PCDHGB1: variants seen among roughly 807,000 people sequenced by gnomAD.
PCDHGB1 encodes protocadherin gamma subfamily B, 1.
A neutral mutation model predicts 56.6 loss-of-function variants in PCDHGB1; 34 were observed. The ratio of observed to expected loss-of-function variants is 0.60; its 90% CI spans 0.46 to 0.80. The LOEUF (loss-of-function observed/expected upper bound fraction) is 0.80. PCDHGB1 is among the 30% of genes least tolerant of loss of function. The probability of loss-of-function intolerance (pLI) is 0.00; values close to 1 mark genes in which losing one functional copy is unlikely to be tolerated. For missense variants in PCDHGB1, 1,278 were observed against 1,204.6 expected, an observed-to-expected ratio of 1.06 and a Z score of -0.90; for synonymous variants, 561 against 505.9, an observed-to-expected ratio of 1.11 and a Z score of -1.46.
rs1287277950 is a variant in PCDHGB1 at position 141,384,488 on chromosome 5, T to C, written c.2409+31819T>C. The C allele has an allele frequency of 2.5e-6, 4 of 1,614,104 alleles. No individual in the cohort carries two copies. In the East Asian group the frequency reaches 8.9e-5, roughly 36 times the overall value. The stretch of plus-strand genomic sequence containing the variant: ...TATGAGCAGTTGAGAGAACTACAAC[T>C]AAGAGTGACTGCACATGACAGCGGG... On this transcript the variant is annotated intron_variant, in intron 1 of 3. Transcript: ENST00000523390.
At chr5:141,369,999 A>C (rs995138311) in intron 1 of PCDHGB1, among the ~76,000 whole-genome samples, 3 of 152,262 alleles carry the variant, frequency 2.0e-5, no homozygotes, top group African/African-American at 7.2e-5. Flanking sequence ...TAAAGCTCAA[A>C]TTAAAAGAAA....
rs758782567 is a variant in PCDHGB1, at chr5:141,486,792, G to A, written c.2410-8015G>A. ...CAGTTTGAGGTGCAGGCCCGGGATCGGGGCAACCCACCCCTTAGCAGCACT... is the reference window on the plus strand; with the variant it reads ...CAGTTTGAGGTGCAGGCCCGGGATCAGGGCAACCCACCCCTTAGCAGCACT... On this transcript the variant is annotated intron_variant, in intron 1 of 3. Coordinates refer to ENST00000523390, the MANE Select transcript of PCDHGB1 (RefSeq NM_018922.3). This position sits in a 1 kb window ranked among gnomAD's most constrained non-coding sequence, Gnocchi z 5.0. The A allele has an allele frequency of 3.7e-5, 59 of 1,614,094 alleles. No homozygotes were observed. The Middle Eastern group carries it at 4.9e-4, about 13-fold the overall frequency.
intron 1 of PCDHGB1, among the ~76,000 whole-genome samples, chr5:141,463,809 T>G (rs964935762): frequency 1.3e-5 from 2 of 152,216 alleles, no homozygotes; most frequent in African/African-American, 4.8e-5. Context: ...TAAAAGCTTT[T>G]ATCACACATT....
chr5:141,364,176 C>G, intron 1 of PCDHGB1: 1 of 835,076 alleles, frequency 1.2e-6, no homozygotes, highest in Non-Finnish European at 1.7e-6. Flanking sequence ...CGACTCTGCT[C>G]CCTCCATACT....
At chr5:141,366,297 C>G in intron 1 of PCDHGB1, 1 of 1,613,766 alleles carries the variant, frequency 6.2e-7, no homozygotes. Flanking sequence ...CCTCTGTCAG[C>G]CACCTTCACG....
rs1385557537 is a variant in PCDHGB1 at position 141,415,739 on chromosome 5, GGTT to G, written c.2409+63071_2409+63073del. 2.0e-4 allele frequency: 88 copies of G among 435,112 alleles called. 2 individuals are homozygous for G. In the African/African-American group the frequency reaches 2.4e-3, roughly 12 times the overall value. 27.0% of individuals were successfully genotyped at this position (435,112 alleles called of 1,614,324 possible). A position where few individuals can be genotyped will look rare whatever the true frequency, so the allele number is the denominator to read the frequency against. On this transcript the variant is annotated intron_variant, in intron 1 of 3. Coordinates refer to ENST00000523390, the MANE Select transcript of PCDHGB1 (RefSeq NM_018922.3). ...ATGAGTAGAATTTGATGTTTATTAA[GGTT>G]TTTTTTTTTTTTTTTTTTTTTTTTT...
chr5:141,356,695 G>T, intron 1 of PCDHGB1: 2 of 1,614,004 alleles, frequency 1.2e-6, no homozygotes, highest in Non-Finnish European at 1.7e-6. Context: ...CTTCCAGGGT[G>T]CACCTCTGTC....
rs1254227812 is a variant in PCDHGB1, at chr5:141,357,331, C to T, written c.2409+4662C>T. Reference sequence around the variant, plus strand: ...CGTCTTCCTGGCTTTTGTCACGGTGCTGCTAGCACTCAAGCTGAGACGCTG... The same window carrying T: ...CGTCTTCCTGGCTTTTGTCACGGTGTTGCTAGCACTCAAGCTGAGACGCTG... On this transcript the variant is annotated intron_variant, in intron 1 of 3. Coordinates refer to ENST00000523390, the MANE Select transcript of PCDHGB1 (RefSeq NM_018922.3). 2.5e-6 allele frequency: 4 copies of T among 1,614,098 alleles called. No homozygotes were observed. The Admixed American group carries it at 5.0e-5, about 20-fold the overall frequency.
At chr5:141,468,560 T>G (rs571224791) in intron 1 of PCDHGB1, 1 of 152,004 alleles carries the variant, frequency 6.6e-6, no homozygotes, top group Non-Finnish European at 1.5e-5. Flanking sequence ...ATTTGTGATA[T>G]AGTAAACAAT....
intron 1 of PCDHGB1, chr5:141,394,374 G>A: frequency 1.2e-6 from 2 of 1,614,172 alleles, no homozygotes; most frequent in South Asian, 1.1e-5. Flanking sequence ...GCAATCTTTC[G>A]ACTATGAGCA....
chr5:141,420,321 C>G (rs763682825), intron 1 of PCDHGB1: 2 of 1,410,974 alleles, frequency 1.4e-6, no homozygotes, highest in Non-Finnish European at 1.9e-6. Flanking sequence ...TACAATATGC[C>G]AATATATTCC....
chr5:141,394,532 T>G (rs1259695027), intron 1 of PCDHGB1: 7 of 1,614,188 alleles, frequency 4.3e-6, no homozygotes, highest in East Asian at 4.5e-5. Flanking sequence ...ACGGTTCCAC[T>G]GGCGTGGAGC....
intron 1 of PCDHGB1, chr5:141,376,063 C>T (rs1392618102): frequency 1.9e-6 from 3 of 1,613,444 alleles, no homozygotes; most frequent in Non-Finnish European, 2.5e-6. Context: ...CTGTCACGCT[C>T]ACCGTGGCCG....
chr5:141,357,576 G>C (rs781394563), intron 1 of PCDHGB1: 2 of 1,614,174 alleles, frequency 1.2e-6, no homozygotes, highest in South Asian at 1.1e-5. Context: ...AGCCTCTTCT[G>C]ATAACTCAGG....
chr5:141,413,042 G>T, intron 1 of PCDHGB1: 1 of 857,566 alleles, frequency 1.2e-6, no homozygotes, highest in Non-Finnish European at 1.7e-6. Context: ...CTGCTGGGCT[G>T]CAGGGAAGCT....
At chr5:141,455,128 T>C (rs2098813900) in intron 1 of PCDHGB1, among the ~76,000 whole-genome samples, 2 of 151,962 alleles carry the variant, frequency 1.3e-5, no homozygotes, top group Admixed American at 6.6e-5. Context: ...ATGTTTTAAA[T>C]TACACTGTGT....
chr5:141,478,336 C>T, intron 1 of PCDHGB1: 2 of 1,613,950 alleles, frequency 1.2e-6, no homozygotes, highest in South Asian at 2.2e-5. Context: ...CACCAGGGCC[C>T]TCCTTGCACG....
Position 141,350,539 on chromosome 5 carries a change from C to T in PCDHGB1, c.279C>T (p.Cys93=). Residue 93 remains cysteine (C), a synonymous_variant, in exon 1 of 4, where the codon TGC becomes TGT. Transcript: ENST00000523390. Reference sequence around the variant, plus strand: ...GTAGGATAGATCGAGAGAAGATTTGCGGAAGGAAACTTGAGTGTGCACTAG... The same window carrying T: ...GTAGGATAGATCGAGAGAAGATTTGTGGAAGGAAACTTGAGTGTGCACTAG... ...VNGRIDREKI[C]GRKLECALEF... 2 of 1,613,968 alleles carry T rather than the reference C, an allele frequency of 1.2e-6. No homozygotes were observed. The highest frequency in any genetic ancestry group is 1.7e-6 in the Non-Finnish European group (2 of 1,179,868).
At chr5:141,394,379 T>C in intron 1 of PCDHGB1, 1 of 1,614,160 alleles carries the variant, frequency 6.2e-7, no homozygotes, top group Non-Finnish European at 8.5e-7. Context: ...CTTTCGACTA[T>C]GAGCAGATCC....
Sources: gnomAD v4.1 joint callset for allele counts (sites outside exome capture counted in the v4.1 genomes callset) on GRCh38, gnomAD v4.1.1 for gene constraint, Gnocchi (gnomAD v3.1) non-coding constraint, MANE v1.5 for transcripts, NCBI Gene and HGNC (gene_info 2026-07-23, HGNC 2026-07-21) for gene names.